Variants in BCR observed in about 807,000 individuals in gnomAD.
The protein encoded by BCR is breakpoint cluster region protein.
A neutral mutation model predicts 138.6 loss-of-function variants in BCR; 58 were observed. The observed-to-expected ratio is 0.42, with a 90% confidence interval of 0.34 to 0.52. The LOEUF is 0.52. BCR is among the 20% of genes least tolerant of loss of function. BCR has a pLI of 0.06. For synonymous variants in BCR, 786 were observed against 730.1 expected (o/e 1.08, Z -1.23); for missense variants, 1,599 against 1,727.2 (o/e 0.93, Z 1.32).
chr22:23,292,811 C>G (rs1186735731), intron 15 of BCR, among the ~76,000 whole-genome samples, 173 bp downstream of exon 15: 2 of 152,204 alleles, frequency 1.3e-5, no homozygotes, highest in East Asian at 3.8e-4. Context: ...GAGATTTTAT[C>G]TCCTTGTTCC....
At chr22:23,311,664 T>C (rs1404820230) in intron 18 of BCR, 33 bp from the exon 19 acceptor site, 58 of 1,539,486 alleles carry the variant, frequency 3.8e-5, no homozygotes, top group Non-Finnish European at 5.1e-5. Context: ...AGCAGGGCTG[T>C]TAGGACACTG....
At chr22:23,269,124 C>T (rs2073479633) in intron 5 of BCR, among the ~76,000 whole-genome samples, 1 of 152,254 alleles carries the variant, frequency 6.6e-6, no homozygotes, top group Non-Finnish European at 1.5e-5. Context: ...CGCCCAGGGC[C>T]TCGAAAGAGT....
rs113526496 is a variant in BCR at position 23,299,027 on chromosome 22, G to C, written c.3012+3872G>C. 2.2e-3 allele frequency among the ~76,000 whole-genome samples: 334 copies of C among 151,648 alleles called. 3 individuals are homozygous for C. The highest frequency in any genetic ancestry group is 7.7e-3 in the African/African-American group (318 of 41,362). ...TTTTTTGTTTTTTGAGACAGAGTCT[G>C]GCTCTGTCGCCCAGGCTGGAGTGCA... On this transcript the variant is annotated intron_variant, in intron 16 of 22. Coordinates refer to ENST00000305877, the MANE Select transcript of BCR (RefSeq NM_004327.4).
At chr22:23,249,603 T>G (rs1320179209) in intron 1 of BCR, among the ~76,000 whole-genome samples, 1 of 150,262 alleles carries the variant, frequency 6.7e-6, no homozygotes, top group Non-Finnish European at 1.5e-5. Flanking sequence ...AAATCACGGG[T>G]GGGGGGTGGT....
chr22:23,183,642 C>T (rs1180219587), intron 1 of BCR, among the ~76,000 whole-genome samples: 3 of 152,234 alleles, frequency 2.0e-5, no homozygotes, highest in South Asian at 4.1e-4. Context: ...GGTTACTGGG[C>T]ACCAGCCTTG....
intron 1 of BCR, chr22:23,242,916 G>A (rs770268722): frequency 1.1e-5 from 5 of 455,612 alleles, no homozygotes; most frequent in South Asian, 6.2e-5. Flanking sequence ...AGCATCTGAT[G>A]GCCCACGGCA....
chr22:23,222,962 T>C (rs1321283122), intron 1 of BCR, among the ~76,000 whole-genome samples: 1 of 152,154 alleles, frequency 6.6e-6, no homozygotes, highest in East Asian at 1.9e-4. Flanking sequence ...ACAGATTACA[T>C]GTTAGATAAG....
chr22:23,247,056 A>G (rs2073165447), intron 1 of BCR, among the ~76,000 whole-genome samples: 2 of 152,132 alleles, frequency 1.3e-5, no homozygotes, highest in African/African-American at 2.4e-5. Context: ...ATGGTTTTCC[A>G]AGCCTCTCTG....
At chr22:23,248,304 A>G (rs1043828849) in intron 1 of BCR, among the ~76,000 whole-genome samples, 16 of 151,674 alleles carry the variant, frequency 1.1e-4, no homozygotes, top group Non-Finnish European at 1.6e-4. Flanking sequence ...AGATCGCGCC[A>G]TTATACTCCA....
At chr22:23,285,709 T>C (rs2073704085) in intron 10 of BCR, among the ~76,000 whole-genome samples, 1 of 152,188 alleles carries the variant, frequency 6.6e-6, no homozygotes, top group East Asian at 1.9e-4. Flanking sequence ...AGCACCACAA[T>C]AGGAAACAAG....
At chr22:23,234,640 G>A (rs994712047) in intron 1 of BCR, among the ~76,000 whole-genome samples, 1 of 152,136 alleles carries the variant, frequency 6.6e-6, no homozygotes, top group Admixed American at 6.5e-5. Flanking sequence ...AACTGGGAGG[G>A]CCAAGACTCA....
intron 10 of BCR, among the ~76,000 whole-genome samples, chr22:23,285,832 G>C (rs1342965872): frequency 6.6e-6 from 1 of 152,234 alleles, no homozygotes; most frequent in African/African-American, 2.4e-5. Flanking sequence ...ATGACAGCTA[G>C]CAGTATTTAT....
At chr22:23,223,260 C>T (rs12160283) in intron 1 of BCR, among the ~76,000 whole-genome samples, 164 of 152,196 alleles carry the variant, frequency 1.1e-3, no homozygotes, top group African/African-American at 3.8e-3. Flanking sequence ...AAGAACTCCA[C>T]TAAGGGAATT....
intron 16 of BCR, among the ~76,000 whole-genome samples, chr22:23,298,127 A>T (rs1201429989): frequency 2.0e-5 from 3 of 152,192 alleles, no homozygotes; most frequent in Non-Finnish European, 2.9e-5. Flanking sequence ...AGTCACTTGG[A>T]TGAGTGGGGA....
intron 15 of BCR, among the ~76,000 whole-genome samples, chr22:23,294,214 G>A (rs2073820291): frequency 2.6e-5 from 4 of 152,152 alleles, no homozygotes; most frequent in Admixed American, 2.6e-4. Flanking sequence ...TGATGAGCCT[G>A]CATTAACCCA....
At chr22:23,286,380 T>G (rs939801523) in intron 10 of BCR, among the ~76,000 whole-genome samples, 2 of 152,214 alleles carry the variant, frequency 1.3e-5, no homozygotes, top group Non-Finnish European at 2.9e-5. Context: ...TCCTCAGCCC[T>G]TGCCCAGCTG....
chr22:23,187,973 C>A (rs146835627), intron 1 of BCR, among the ~76,000 whole-genome samples: 21 of 152,150 alleles, frequency 1.4e-4, no homozygotes, highest in Non-Finnish European at 2.9e-4. Context: ...GATGAGTTGG[C>A]GCCAGAGTGA....
At chr22:23,264,216 C>T (rs1018951854) in intron 4 of BCR, 70 of 1,147,524 alleles carry the variant, frequency 6.1e-5, no homozygotes, top group Non-Finnish European at 8.3e-5. Flanking sequence ...GCTGTGGGAC[C>T]GGCACCAAAG....
At position 23,313,998 on chromosome 22, in the gene BCR, G is replaced by A. The variant is rs1264023995; in HGVS notation, c.3488G>A (p.Cys1163Tyr). The A allele has an allele frequency of 1.2e-6, 2 of 1,613,950 alleles. No homozygotes were observed. The highest frequency in any genetic ancestry group is 8.5e-7 in the Non-Finnish European group (1 of 1,179,990). The change falls in exon 21 of 23, where the codon TGC becomes TAC. Residue 1163 changes from cysteine (C) to tyrosine (Y), a missense_variant. Coordinates refer to ENST00000305877, the MANE Select transcript of BCR (RefSeq NM_004327.4). ...ALSDPVAKES[C>Y]MLNLLLSLPE... Reference sequence around the variant, plus strand: ...TCAGACCCGGTTGCAAAGGAGAGCTGCATGCTCAACCTGCTGCTGTCCCTG... The same window carrying A: ...TCAGACCCGGTTGCAAAGGAGAGCTACATGCTCAACCTGCTGCTGTCCCTG...
Sources: gnomAD v4.1 joint callset for allele counts (sites outside exome capture counted in the v4.1 genomes callset) on GRCh38, gnomAD v4.1.1 for gene constraint, MANE v1.5 for transcripts, NCBI Gene and HGNC (gene_info 2026-07-23, HGNC 2026-07-21) for gene names.